The following UGT2A2 variants were observed in gnomAD, a reference collection of about 807,000 sequenced individuals.
UGT2A2 encodes UDP-glucuronosyltransferase 2A2.
A neutral mutation model predicts 50.7 loss-of-function variants in UGT2A2; 60 were observed. That is an observed-to-expected ratio of 1.18 (90% CI 0.96 to 1.47). The LOEUF (loss-of-function observed/expected upper bound fraction) is 1.47, where lower values mean the gene tolerates loss of function less well. UGT2A2 is among the 40% of genes most tolerant of loss of function. The probability of loss-of-function intolerance (pLI) is 0.00; values close to 1 mark genes in which losing one functional copy is unlikely to be tolerated. For missense variants in UGT2A2, 762 were observed against 634.0 expected, an observed-to-expected ratio of 1.20 and a Z score of -2.17; for synonymous variants, 242 against 214.6, an observed-to-expected ratio of 1.13 and a Z score of -1.11.
At chr4:69,609,151 T>A (rs1446524238) in intron 1 of UGT2A2, among the ~76,000 whole-genome samples, 1 of 91,978 alleles carries the variant, frequency 1.1e-5, no homozygotes, top group African/African-American at 4.4e-5. Context: ...CTAGAATATA[T>A]AAGATTTTTT....
chr4:69,639,164 G>C lies in UGT2A2; in HGVS notation c.477C>G (p.Asp159Glu). The change falls in exon 1 of 6, where the codon GAC becomes GAG. Residue 159 changes from aspartate to glutamate, a missense_variant. By Grantham distance (45) the Asp-to-Glu change is conservative (BLOSUM62 2). Transcript: ENST00000604629. Reference sequence around the variant, plus strand: ...CAAGATCACCACAGATTGTTACTGGGTCTGCTACCAACACATCAAAACCAC... The same window carrying C: ...CAAGATCACCACAGATTGTTACTGGCTCTGCTACCAACACATCAAAACCAC... Reference protein sequence around the residue: ...QKGGFDVLVADPVTICGDLVA... With the variant: ...QKGGFDVLVAEPVTICGDLVA... 1 of 1,613,628 alleles carries C rather than the reference G, an allele frequency of 6.2e-7. No homozygotes were observed. Among genetic ancestry groups the C allele is most frequent in the Admixed American group, 1.7e-5 (1 of 59,982 alleles).
Position 69,607,232 on chromosome 4 carries a change from T to C in UGT2A2, c.743-7838A>G, listed in dbSNP as rs1215811000. On this transcript the variant is annotated intron_variant, in intron 1 of 5. Coordinates refer to ENST00000604629, the MANE Select transcript of UGT2A2 (RefSeq NM_001105677.2). ...GTACCAAAACAGAGATAAAGACCAATGGAACAGAACAGAGCCCTCAGAAAT... is the reference window on the plus strand; with the variant it reads ...GTACCAAAACAGAGATAAAGACCAACGGAACAGAACAGAGCCCTCAGAAAT... 1.4e-3 allele frequency among the ~76,000 whole-genome samples: 201 copies of C among 139,730 alleles called. 3 individuals are homozygous for C. The highest frequency in any genetic ancestry group is 4.6e-3 in the African/African-American group (173 of 37,528). The allele number at this position is 139,730 out of a possible 152,430, so 91.7% of individuals were successfully genotyped here.
Position 69,604,576 on chromosome 4 carries a change from A to C in UGT2A2, c.743-5182T>G, listed in dbSNP as rs1196443571. Among the ~76,000 whole-genome samples the C allele has an allele frequency of 1.5e-5, 2 of 136,606 alleles. 1 individual carries two copies. The highest frequency in any genetic ancestry group is 3.1e-5 in the Non-Finnish European group (2 of 64,246). 89.6% of individuals were successfully genotyped at this position (136,606 alleles called of 152,430 possible). On this transcript the variant is annotated intron_variant, in intron 1 of 5. Transcript: ENST00000604629. ...ATCAAGTTCACACATAAGAATATTAACCTTAAACATAAATGGGCTAAATGC... is the reference window on the plus strand; with the variant it reads ...ATCAAGTTCACACATAAGAATATTACCCTTAAACATAAATGGGCTAAATGC...
At position 69,607,976 on chromosome 4, in the gene UGT2A2, T is replaced by A. The variant is rs138955942; in HGVS notation, c.743-8582A>T. Among the ~76,000 whole-genome samples the A allele has an allele frequency of 1.6e-4, 24 of 152,332 alleles. 1 individual carries two copies. The highest frequency in any genetic ancestry group is 4.3e-4 in the African/African-American group (18 of 41,566). On this transcript the variant is annotated intron_variant, in intron 1 of 5. Transcript: ENST00000604629. ...AACACTTTTACACTGTTGGTGGGAC[T>A]GTAAACTAGTTCAATCATTGTGGAA... is the stretch of plus-strand genomic sequence containing the variant.
intron 5 of UGT2A2, among the ~76,000 whole-genome samples, chr4:69,592,569 G>T (rs1260191223): frequency 1.3e-5 from 2 of 151,946 alleles, no homozygotes; most frequent in Non-Finnish European, 2.9e-5. Flanking sequence ...ACAGTTGAAA[G>T]AATTAATAAA....
At chr4:69,615,895 A>G (rs920793660) in intron 1 of UGT2A2, among the ~76,000 whole-genome samples, 1 of 151,336 alleles carries the variant, frequency 6.6e-6, no homozygotes, top group Non-Finnish European at 1.5e-5. Flanking sequence ...TGATCCGACA[A>G]TCACACTGCT....
intron 1 of UGT2A2, among the ~76,000 whole-genome samples, chr4:69,628,251 G>GA (rs1324831222): frequency 1.3e-5 from 2 of 150,056 alleles, no homozygotes; most frequent in East Asian, 3.9e-4. Context: ...TAAAGAAATA[G>GA]AAAAAACAAA....
At chr4:69,606,219 C>T (rs149968610) in intron 1 of UGT2A2, among the ~76,000 whole-genome samples, 24,616 of 135,088 alleles carry the variant, frequency 0.18, 5,888 homozygotes, top group Non-Finnish European at 0.22. Context: ...AAAAAGCTTA[C>T]CCACCATGAT....
At position 69,599,301 on chromosome 4, in the gene UGT2A2, G is replaced by C. The variant is rs1316635567; in HGVS notation, c.836C>G (p.Pro279Arg). The C allele has an allele frequency of 6.2e-7, 1 of 1,613,640 alleles. No homozygotes were observed. Among genetic ancestry groups the C allele is most frequent in the African/African-American group, 1.3e-5 (1 of 74,888 alleles). ...CAATCCTCCAACAAACTCAAAATTA[G>C]GTAAGTATGGACGAGGAAATTCAAA... ...WDFEFPRPYL[P>R]NFEFVGGLHC... The change falls in exon 2 of 6, where the codon CCT (proline) becomes CGT (arginine). Residue 279 changes from proline to arginine, a missense_variant. Transcript: ENST00000604629.
At position 69,589,384 on chromosome 4, in the gene UGT2A2, TTTC is replaced by T; in HGVS notation, c.1596_1598del (p.Lys534del). ...TCTTTTTCTTGACCTATTCTCTTTTTTTCTTCTTTCCTATCTTACCAAATTTTT... is the reference window on the plus strand; with the variant it reads ...TCTTTTTCTTGACCTATTCTCTTTTTTTCTTTCCTATCTTACCAAATTTTT... On this transcript the variant is annotated inframe_deletion, in exon 6 of 6. Coordinates refer to ENST00000604629, the MANE Select transcript of UGT2A2 (RefSeq NM_001105677.2). 2 of 1,611,314 alleles carry T rather than the reference TTTC, an allele frequency of 1.2e-6. No individual in the cohort carries two copies. Among genetic ancestry groups the T allele is most frequent in the South Asian group, 2.2e-5 (2 of 90,770 alleles).
Position 69,595,176 on chromosome 4 carries a change from T to C in UGT2A2, c.1097A>G (p.Gln366Arg), listed in dbSNP as rs776187409. The change falls in exon 4 of 6, where the codon CAG (glutamine) becomes CGG (arginine). Residue 366 changes from glutamine (Q) to arginine (R), a missense_variant. Physicochemically the swap from Gln to Arg is conservative, Grantham distance 43. Transcript: ENST00000604629. ...CACAGTCTTACCAAGAAGATCATTCTGGGGTATCCAATCAAAGAGCTGAGT... is the reference window on the plus strand; with the variant it reads ...CACAGTCTTACCAAGAAGATCATTCCGGGGTATCCAATCAAAGAGCTGAGT... ...NNTQLFDWIP[Q>R]NDLLGHPKTK... 1.2e-5 allele frequency: 19 copies of C among 1,613,740 alleles called. No homozygotes were observed. In the Admixed American group the frequency reaches 3.2e-4, roughly 27 times the overall value.
intron 1 of UGT2A2, among the ~76,000 whole-genome samples, chr4:69,612,534 CAGAT>C (rs36083211): frequency 0.23 from 35,327 of 151,686 alleles, 4,301 homozygotes; most frequent in Middle Eastern, 0.31. Context: ...TGAAAAGAGA[CAGAT>C]AGACGAATGG....
chr4:69,620,364 G>A (rs969099076), intron 1 of UGT2A2, among the ~76,000 whole-genome samples: 5 of 132,336 alleles, frequency 3.8e-5, no homozygotes, highest in Admixed American at 2.9e-4. Flanking sequence ...AAATCAGGAA[G>A]GCAATCCCAT....
intron 1 of UGT2A2, among the ~76,000 whole-genome samples, chr4:69,613,683 A>G (rs1720201013): frequency 6.6e-6 from 1 of 152,062 alleles, no homozygotes; most frequent in South Asian, 2.1e-4. Flanking sequence ...ATGCAAATCA[A>G]TAAATGTGAT....
intron 1 of UGT2A2, among the ~76,000 whole-genome samples, chr4:69,629,642 C>T (rs1487603533): frequency 1.3e-5 from 2 of 152,122 alleles, no homozygotes; most frequent in African/African-American, 2.4e-5. Flanking sequence ...AACTGCATCC[C>T]GTCACCACAT....
intron 5 of UGT2A2, among the ~76,000 whole-genome samples, chr4:69,592,046 G>C (rs1718622781): frequency 6.6e-6 from 1 of 152,176 alleles, no homozygotes; most frequent in Admixed American, 6.5e-5. Flanking sequence ...GTCTTGGTAT[G>C]AATCTAAACC....
In UGT2A2 at chr4:69,594,610, C is replaced by T. The variant is rs4148304; in HGVS notation, c.1198G>A (p.Val400Ile). 0.17 allele frequency: 267,850 copies of T among 1,613,992 alleles called. 23,886 individuals are homozygous for T. Among genetic ancestry groups the T allele is most frequent in the Non-Finnish European group, 0.18 (216,456 of 1,179,974 alleles). The change falls in exon 5 of 6, where the codon GTT (valine) becomes ATT (isoleucine). Residue 400 changes from valine to isoleucine, a missense_variant. Physicochemically the swap from Val to Ile is conservative, Grantham distance 29. Transcript: ENST00000604629. ...AIYHGVPMVG[V>I]PMFADQPDNI... ...TCAGGCTGATCAGCAAACATGGGAA[C>T]TCCCACCATAGGGACTCCGTGGTAA...
intron 1 of UGT2A2, among the ~76,000 whole-genome samples, chr4:69,637,245 C>T (rs1458796436): frequency 1.3e-5 from 2 of 151,956 alleles, no homozygotes; most frequent in Non-Finnish European, 2.9e-5. Flanking sequence ...ATAGCATCTT[C>T]AAAAATAAAC....
Position 69,589,551 on chromosome 4 carries a change from T to C in UGT2A2, c.1432A>G (p.Lys478Glu). Residue 478 changes from lysine to glutamate, a missense_variant, in exon 6 of 6, where the codon AAA becomes GAA. Physicochemically the swap from Lys to Glu is moderately conservative, Grantham distance 56. Transcript: ENST00000604629. ...VFWIEFVMRH[K>E]GAKHLRVAAH... ...GCAACCCGAAGGTGCTTGGCTCCTT[T>C]GTGGCGCATGACAAACTCGATCCAG... is the stretch of plus-strand genomic sequence containing the variant. The C allele has an allele frequency of 6.2e-7, 1 of 1,614,050 alleles. No individual in the cohort carries two copies. Among genetic ancestry groups the C allele is most frequent in the Non-Finnish European group, 8.5e-7 (1 of 1,179,964 alleles).
Sources: allele counts gnomAD v4.1 joint callset (sites outside exome capture counted in the v4.1 genomes callset), GRCh38; gene constraint gnomAD v4.1.1; transcripts MANE v1.5; gene names NCBI Gene and HGNC (gene_info 2026-07-23, HGNC 2026-07-21).